Variants in CCDC15 observed in about 807,000 individuals in gnomAD.
CCDC15 encodes the protein coiled-coil domain-containing protein 15.
In CCDC15, 105 loss-of-function variants were observed where a neutral mutation model predicts 114.5. The observed-to-expected ratio is 0.92, with a 90% confidence interval of 0.78 to 1.08. The LOEUF is 1.08. CCDC15 is among the 50% of genes least tolerant of loss of function. The pLI is 0.00. For synonymous variants in CCDC15, 334 were observed against 377.8 expected (o/e 0.88, Z 1.34); for missense variants, 1,105 against 1,093.6 (o/e 1.01, Z -0.15).
chr11:124,966,970 A>G (rs1174545308), intron 4 of CCDC15, among the ~76,000 whole-genome samples: 2 of 151,890 alleles, frequency 1.3e-5, no homozygotes, highest in African/African-American at 4.8e-5. Context: ...ATTGGCCCCC[A>G]CTCTCTTCTG....
At chr11:124,978,375 C>T (rs149190878) in intron 6 of CCDC15, among the ~76,000 whole-genome samples, 458 of 152,264 alleles carry the variant, frequency 3.0e-3, no homozygotes, top group Non-Finnish European at 5.0e-3. Context: ...TGGGTATATA[C>T]CAGATAATGG....
chr11:124,980,703 C>T (rs1242855971), intron 6 of CCDC15, among the ~76,000 whole-genome samples: 1 of 152,132 alleles, frequency 6.6e-6, no homozygotes, highest in Non-Finnish European at 1.5e-5. Flanking sequence ...TTAATTCTTT[C>T]AAAAGACCAG....
At chr11:125,029,076 C>G (rs1359085607) in intron 13 of CCDC15, among the ~76,000 whole-genome samples, 1 of 152,162 alleles carries the variant, frequency 6.6e-6, no homozygotes, top group East Asian at 1.9e-4. Context: ...GTCTGGGAGG[C>G]TAGGCCGGTC....
intron 11 of CCDC15, among the ~76,000 whole-genome samples, chr11:124,996,809 C>A (rs1948380113): frequency 6.6e-6 from 1 of 152,160 alleles, no homozygotes; most frequent in African/African-American, 2.4e-5. Flanking sequence ...AGTATTTGCC[C>A]TTTTGTGCCT....
Position 124,954,915 on chromosome 11 carries a change from T to G in CCDC15, c.177+6T>G, listed in dbSNP as rs2135421389. The G allele has an allele frequency of 6.2e-7, 1 of 1,613,510 alleles. No individual in the cohort carries two copies. The highest frequency in any genetic ancestry group is 8.5e-7 in the Non-Finnish European group (1 of 1,179,514). ...GTTCGGAAATCCCAGCATATGTGAG[T>G]GTCAGTTTGATCCAAATATGGTGGG... On this transcript the variant is annotated splice_donor_region_variant and intron_variant, in intron 2 of 15. Coordinates refer to ENST00000344762, the MANE Select transcript of CCDC15 (RefSeq NM_025004.3).
At chr11:124,978,664 T>G (rs564242293) in intron 6 of CCDC15, among the ~76,000 whole-genome samples, 196 of 152,248 alleles carry the variant, frequency 1.3e-3, no homozygotes, top group African/African-American at 4.5e-3. Context: ...TTTATGGAGT[T>G]TTTTGCTTGT....
In CCDC15 at chr11:124,987,224, A is replaced by C; in HGVS notation, c.998A>C (p.Gln333Pro). 6.5e-7 allele frequency: 1 copy of C among 1,548,362 alleles called. No individual in the cohort carries two copies. Among genetic ancestry groups the C allele is most frequent in the South Asian group, 1.3e-5 (1 of 78,092 alleles). Residue 333 changes from glutamine to proline, a missense_variant, in exon 8 of 16, where the codon CAG becomes CCG. Gln to Pro is a moderately conservative substitution (Grantham distance 76). Coordinates refer to ENST00000344762, the MANE Select transcript of CCDC15 (RefSeq NM_025004.3). ...EGLQDILPEA[Q>P]DYFLEAQGDL... is the part of the protein sequence containing the mutation. The stretch of plus-strand genomic sequence containing the variant: ...CTTCAGGATATTCTGCCAGAAGCCC[A>C]GGATTATTTTCTAGAAGCCCAAGGT...
intron 1 of CCDC15, 78 bp from the exon 2 acceptor site, chr11:124,954,646 C>T (rs1277228808): frequency 2.3e-6 from 3 of 1,297,872 alleles, no homozygotes; most frequent in East Asian, 4.7e-5. Context: ...TTTCACGGGC[C>T]TGTGGCTCAT....
chr11:124,997,075 G>A (rs974556220), intron 11 of CCDC15, among the ~76,000 whole-genome samples: 3 of 152,152 alleles, frequency 2.0e-5, no homozygotes, highest in African/African-American at 4.8e-5. Flanking sequence ...TTGCGTTGCT[G>A]TATAGCATTC....
At chr11:124,995,608 C>T (rs1314507995) in intron 11 of CCDC15, among the ~76,000 whole-genome samples, 3 of 152,020 alleles carry the variant, frequency 2.0e-5, no homozygotes, top group Non-Finnish European at 2.9e-5. Context: ...GAGCAAGACA[C>T]GACACTCAAA....
Position 125,000,736 on chromosome 11 carries a change from AAAT to A in CCDC15, c.2215-3123_2215-3121del, listed in dbSNP as rs142045863. Among the ~76,000 whole-genome samples the A allele has an allele frequency of 9.6e-3, 1,469 of 152,308 alleles. 18 individuals are homozygous for A. Among genetic ancestry groups the A allele is most frequent in the African/African-American group, 0.034 (1,400 of 41,558 alleles). On this transcript the variant is annotated intron_variant, in intron 11 of 15. Coordinates refer to ENST00000344762, the MANE Select transcript of CCDC15 (RefSeq NM_025004.3). Reference sequence around the variant, plus strand: ...TCACAAAACAAATAAATAACTTCTAAAATAATAATAGCTTTATTGATATATACA... The same window carrying A: ...TCACAAAACAAATAAATAACTTCTAAAATAATAGCTTTATTGATATATACA...
At chr11:125,010,868 A>G (rs548824734) in intron 13 of CCDC15, among the ~76,000 whole-genome samples, 1 of 152,134 alleles carries the variant, frequency 6.6e-6, no homozygotes, top group Non-Finnish European at 1.5e-5. Context: ...TTTTTTGCCA[A>G]AGCTGATGTC....
chr11:125,020,590 C>A (rs925939153), intron 13 of CCDC15, among the ~76,000 whole-genome samples: 1 of 151,948 alleles, frequency 6.6e-6, no homozygotes, highest in Non-Finnish European at 1.5e-5. Flanking sequence ...TTCTTAACCT[C>A]TCTTTTACTG....
rs1226614352 is a variant in CCDC15, at chr11:125,038,785, T to C, written c.2586-136T>C. On this transcript the variant is annotated intron_variant, in intron 14 of 15. Coordinates refer to ENST00000344762, the MANE Select transcript of CCDC15 (RefSeq NM_025004.3). ...CTTCTTGGGTGTAGCCCTGCGTTTT[T>C]CCCAGTACAAAGAGGAAATGTCAAG... 13 of 1,250,692 alleles carry C rather than the reference T, an allele frequency of 1.0e-5. No individual in the cohort carries two copies. The African/African-American group carries it at 2.0e-4, about 19-fold the overall frequency. 77.5% of individuals were successfully genotyped at this position (1,250,692 alleles called of 1,614,324 possible).
chr11:125,033,411 A>AT (rs894573964), intron 13 of CCDC15, among the ~76,000 whole-genome samples: 1 of 152,102 alleles, frequency 6.6e-6, no homozygotes, highest in Non-Finnish European at 1.5e-5. Context: ...TCGGGATCCA[A>AT]TTATTTCCAT....
chr11:125,016,370 A>G (rs1348982504), intron 13 of CCDC15, among the ~76,000 whole-genome samples: 1 of 152,204 alleles, frequency 6.6e-6, no homozygotes, highest in African/African-American at 2.4e-5. Context: ...TTGCAATAAA[A>G]AAGTATGTGG....
intron 12 of CCDC15, 37 bp from the exon 13 acceptor site, chr11:125,005,072 A>G: frequency 1.1e-6 from 1 of 935,204 alleles, no homozygotes; most frequent in Non-Finnish European, 1.6e-6. Flanking sequence ...ATTCCTCTGA[A>G]AGCAGAATCT....
At chr11:125,020,685 C>T (rs577428233) in intron 13 of CCDC15, among the ~76,000 whole-genome samples, 5 of 151,974 alleles carry the variant, frequency 3.3e-5, no homozygotes, top group South Asian at 2.1e-4. Flanking sequence ...CTAGGAGAAA[C>T]GGATAAATTG....
chr11:124,986,696 TGTGTGCGCGCGCGC>T, intron 6 of CCDC15, 32 bp from the exon 7 acceptor site: 1 of 1,441,064 alleles, frequency 6.9e-7, no homozygotes, highest in Non-Finnish European at 9.2e-7. Context: ...TGTGTTTGTG[TGTGTGCGCGCGCGC>T]GCGTGCGCGT....
Sources: allele counts gnomAD v4.1 joint callset (sites outside exome capture counted in the v4.1 genomes callset), GRCh38; gene constraint gnomAD v4.1.1; transcripts MANE v1.5; gene names NCBI Gene and HGNC (gene_info 2026-07-23, HGNC 2026-07-21).